The following SLC5A5 variants were observed in gnomAD, a reference collection of about 807,000 sequenced individuals.
The protein encoded by SLC5A5 is sodium/iodide cotransporter.
A neutral mutation model predicts 68.6 loss-of-function variants in SLC5A5; 56 were observed. That is an observed-to-expected ratio of 0.82 (90% confidence interval 0.66 to 1.02). The LOEUF is 1.02. Among genes scored for constraint, SLC5A5 ranks in the 50% least tolerant of loss-of-function variants. The pLI is 0.00. For missense variants in SLC5A5, 807 were observed against 859.8 expected (o/e 0.94, Z 0.77); for synonymous variants, 398 against 373.0 (o/e 1.07, Z -0.77).
intron 14 of SLC5A5, 77 bp downstream of exon 14, chr19:17,891,078 C>T (rs1049866258): frequency 1.6e-5 from 14 of 871,144 alleles, no homozygotes; most frequent in Admixed American, 3.4e-5. Context: ...AGGGGAGGGA[C>T]ATGGTATATC....
intron 10 of SLC5A5, 22 bp downstream of exon 10, chr19:17,882,241 G>A (rs1178518770): frequency 6.2e-7 from 1 of 1,601,322 alleles, no homozygotes; most frequent in Non-Finnish European, 8.5e-7. Flanking sequence ...CCTGCCCCCT[G>A]CCCTGGTCTC....
Position 17,878,048 on chromosome 19 carries a change from T to G in SLC5A5, c.924T>G (p.Thr308=). The change falls in exon 7 of 15, where the codon ACT becomes ACG. Residue 308 remains threonine (T), a synonymous_variant. Coordinates refer to ENST00000222248, the MANE Select transcript of SLC5A5 (RefSeq NM_000453.3). ...GCATCGTCATGTTTGTGTTCTACACTGACTGCGACCCTCTCCTCCTGGGGC... is the reference window on the plus strand; with the variant it reads ...GCATCGTCATGTTTGTGTTCTACACGGACTGCGACCCTCTCCTCCTGGGGC... ...CCGIVMFVFY[T]DCDPLLLGRI... is the part of the protein sequence containing the mutation. 1 of 1,613,120 alleles carries G rather than the reference T, an allele frequency of 6.2e-7. No homozygotes were observed. Among genetic ancestry groups the G allele is most frequent in the Non-Finnish European group, 8.5e-7 (1 of 1,180,034 alleles).
chr19:17,889,953 C>T (rs2030100206), intron 13 of SLC5A5, among the ~76,000 whole-genome samples: 1 of 152,222 alleles, frequency 6.6e-6, no homozygotes, highest in African/African-American at 2.4e-5. Flanking sequence ...ACTTCACAGT[C>T]ATCAGGCCTT....
At chr19:17,887,000 T>G (rs945104775) in intron 12 of SLC5A5, among the ~76,000 whole-genome samples, 3 of 152,016 alleles carry the variant, frequency 2.0e-5, no homozygotes, top group African/African-American at 7.2e-5. Flanking sequence ...CGCTTGAGCC[T>G]GGGGGGCCAA....
chr19:17,894,291 G>A lies in SLC5A5; in HGVS notation c.*414G>A. The A allele has an allele frequency of 5.2e-6, 1 of 193,408 alleles. No individual in the cohort carries two copies. Among genetic ancestry groups the A allele is most frequent in the South Asian group, 8.8e-5 (1 of 11,316 alleles). The allele number at this position is 193,408 out of a possible 1,614,324, so 12.0% of individuals were successfully genotyped here. A position where few individuals can be genotyped will look rare whatever the true frequency, so the allele number is the denominator to read the frequency against. ...GCCTCTTGAGTAGCTGGGATTGTAG[G>A]TGCCCACCACCATGCCCAGCCAACT... On this transcript the variant is annotated 3_prime_UTR_variant, in exon 15 of 15. Transcript: ENST00000222248.
intron 12 of SLC5A5, among the ~76,000 whole-genome samples, chr19:17,887,838 C>T (rs1294660359): frequency 1.3e-5 from 2 of 150,546 alleles, no homozygotes; most frequent in African/African-American, 4.9e-5. Context: ...GATCTCCTGA[C>T]CTCGTGATCC....
intron 7 of SLC5A5, 110 bp from the exon 8 acceptor site, chr19:17,880,755 C>A: frequency 1.2e-6 from 1 of 804,702 alleles, no homozygotes; most frequent in Non-Finnish European, 2.2e-6. Flanking sequence ...TAAATGCCGA[C>A]TCTGAGCCCT....
Position 17,894,143 on chromosome 19 carries a change from C to CTTTTTTT in SLC5A5, c.*282_*288dup, listed in dbSNP as rs772763011. ...AATAAGGCTGGGTTTTTCTCTCTCT[C>CTTTTTTT]TTTTTTTTTTTTTTTTTTTTTTGAG... is the stretch of plus-strand genomic sequence containing the variant. On this transcript the variant is annotated 3_prime_UTR_variant, in exon 15 of 15. Coordinates refer to ENST00000222248, the MANE Select transcript of SLC5A5 (RefSeq NM_000453.3). The CTTTTTTT allele has an allele frequency of 5.3e-4, 140 of 263,090 alleles. No individual in the cohort carries two copies. Among genetic ancestry groups the CTTTTTTT allele is most frequent in the South Asian group, 1.9e-3 (52 of 27,948 alleles). 16.3% of individuals were successfully genotyped at this position (263,090 alleles called of 1,614,324 possible). A position where few individuals can be genotyped will look rare whatever the true frequency, so the allele number is the denominator to read the frequency against.
chr19:17,891,105 G>A (rs1033232496), intron 14 of SLC5A5, 104 bp downstream of exon 14: 13 of 772,392 alleles, frequency 1.7e-5, no homozygotes, highest in East Asian at 2.5e-5. Flanking sequence ...TTTCTCCATC[G>A]CTCATTATCT....
intron 1 of SLC5A5, among the ~76,000 whole-genome samples, 179 bp downstream of exon 1, chr19:17,872,855 G>A (rs916964709): frequency 7.9e-5 from 12 of 152,188 alleles, no homozygotes; most frequent in Non-Finnish European, 1.6e-4. Flanking sequence ...GGCCCCAGGC[G>A]CCCGGCGAGG....
rs773122204 is a variant in SLC5A5 at position 17,872,675 on chromosome 19, A to C, written c.356A>C (p.Glu119Ala). The C allele has an allele frequency of 1.9e-6, 3 of 1,579,582 alleles. No homozygotes were observed. The highest frequency in any genetic ancestry group is 2.6e-6 in the Non-Finnish European group (3 of 1,154,620). The stretch of plus-strand genomic sequence containing the variant: ...CGCCTGGGCCTCACCAGCACCTACG[A>C]GGTACCGGACAGAGGCCCGGGGGTA... ...FYRLGLTSTY[E>A]YLEMRFSRAV... Residue 119 changes from glutamate (E) to alanine (A), a missense_variant and splice_region_variant, in exon 1 of 15, where the codon GAG becomes GCG. Physicochemically the swap from Glu to Ala is moderately radical, Grantham distance 107. Coordinates refer to ENST00000222248, the MANE Select transcript of SLC5A5 (RefSeq NM_000453.3).
At chr19:17,893,015 C>T in intron 14 of SLC5A5, among the ~76,000 whole-genome samples, 1 of 135,920 alleles carries the variant, frequency 7.4e-6, no homozygotes, top group Non-Finnish European at 1.6e-5. Context: ...TTTTTTCTTT[C>T]TCTCTCTTTT....
chr19:17,883,555 G>T, intron 10 of SLC5A5, 126 bp from the exon 11 acceptor site: 1 of 821,044 alleles, frequency 1.2e-6, no homozygotes. Context: ...TAGGGAAACT[G>T]AGACACAGAG....
chr19:17,874,421 T>A, intron 2 of SLC5A5, 73 bp from the exon 3 acceptor site: 1 of 1,443,180 alleles, frequency 6.9e-7, no homozygotes, highest in Non-Finnish European at 9.7e-7. Flanking sequence ...GGGACCACCC[T>A]TCTGCCTCCT....
intron 13 of SLC5A5, among the ~76,000 whole-genome samples, chr19:17,889,073 G>T (rs1162695733): frequency 6.6e-6 from 1 of 150,814 alleles, no homozygotes; most frequent in Non-Finnish European, 1.5e-5. Flanking sequence ...ATACATAAAA[G>T]AAAGTGTATA....
Position 17,878,010 on chromosome 19 carries a change from G to A in SLC5A5, c.886G>A (p.Ala296Thr), listed in dbSNP as rs780149458. The A allele has an allele frequency of 6.2e-6, 10 of 1,613,228 alleles. No homozygotes were observed. The highest frequency in any genetic ancestry group is 4.5e-5 in the East Asian group (2 of 44,894). ...CGGCCTGTTCCTGATCGTGTCCAGC[G>A]CTGCCTGCTGTGGCATCGTCATGTT... ...QVGLFLIVSS[A>T]ACCGIVMFVF... Residue 296 changes from alanine to threonine, a missense_variant, in exon 7 of 15, where the codon GCT (alanine) becomes ACT (threonine). Ala to Thr is a moderately conservative substitution (Grantham distance 58). Coordinates refer to ENST00000222248, the MANE Select transcript of SLC5A5 (RefSeq NM_000453.3).
chr19:17,876,340 T>C (rs930452403), intron 5 of SLC5A5, among the ~76,000 whole-genome samples: 2 of 151,088 alleles, frequency 1.3e-5, no homozygotes, highest in Non-Finnish European at 2.9e-5. Flanking sequence ...GGCTGGAGGA[T>C]TGCTTGAGCC....
chr19:17,893,663 G>C (rs757455926), intron 14 of SLC5A5, 50 bp from the exon 15 acceptor site: 31 of 1,585,606 alleles, frequency 2.0e-5, no homozygotes, highest in Non-Finnish European at 2.6e-5. Context: ...ACACGGAACA[G>C]GGTGGGGACA....
Position 17,893,979 on chromosome 19 carries a change from C to T in SLC5A5, c.*102C>T. On this transcript the variant is annotated 3_prime_UTR_variant, in exon 15 of 15. Transcript: ENST00000222248. ...CCTTGGGCTCTGATTGGCTGGATTG[C>T]CTTGTATGCAAATGAGTTCAGGACT... 8.6e-7 allele frequency: 1 copy of T among 1,163,684 alleles called. No homozygotes were observed. The highest frequency in any genetic ancestry group is 1.3e-6 in the Non-Finnish European group (1 of 797,718). The allele number at this position is 1,163,684 out of a possible 1,614,324, so 72.1% of individuals were successfully genotyped here.
Sources: gnomAD v4.1 joint callset for allele counts (sites outside exome capture counted in the v4.1 genomes callset) on GRCh38, gnomAD v4.1.1 for gene constraint, MANE v1.5 for transcripts, NCBI Gene and HGNC (gene_info 2026-07-23, HGNC 2026-07-21) for gene names.